The following CLIC5 variants were observed in gnomAD, a reference collection of about 807,000 sequenced individuals.
CLIC5 encodes the protein chloride intracellular channel protein 5.
CLIC5 carries 20 observed loss-of-function variants against 24.7 expected under a neutral mutation model. The observed-to-expected ratio is 0.81, with a 90% confidence interval of 0.57 to 1.18. The LOEUF (loss-of-function observed/expected upper bound fraction) is 1.18. CLIC5 is among the 50% of genes most tolerant of loss of function. CLIC5 has a pLI of 0.00. For synonymous variants in CLIC5, 159 were observed against 135.6 expected, an observed-to-expected ratio of 1.17 and a Z score of -1.20; for missense variants, 341 against 326.1, an observed-to-expected ratio of 1.05 and a Z score of -0.35.
At chr6:45,991,154 C>T (rs1428218155) in intron 1 of CLIC5, among the ~76,000 whole-genome samples, 19 of 152,134 alleles carry the variant, frequency 1.2e-4, no homozygotes, top group Admixed American at 1.2e-3. Flanking sequence ...GCTAACAGAA[C>T]ATAGTAAAGG....
At chr6:45,903,833 C>A (rs2127294793) in intron 5 of CLIC5, among the ~76,000 whole-genome samples, 1 of 152,132 alleles carries the variant, frequency 6.6e-6, no homozygotes, top group South Asian at 2.1e-4. Flanking sequence ...TTTTTCTTTT[C>A]TTCTTTCTCT....
At chr6:45,998,558 A>G (rs532375516) in intron 1 of CLIC5, among the ~76,000 whole-genome samples, 1 of 152,338 alleles carries the variant, frequency 6.6e-6, no homozygotes, top group African/African-American at 2.4e-5. Flanking sequence ...GCCCCTGTGA[A>G]TATTTCAACA....
In CLIC5 at chr6:45,901,113, G is replaced by A. The variant is rs1762500100; in HGVS notation, c.*1975C>T. On this transcript the variant is annotated 3_prime_UTR_variant, in exon 6 of 6. Transcript: ENST00000339561. ...AGCAGGATTTCACACTAATTAAAAGGCCTTCGGGATCATTTCAGCCCTCAT... is the reference window on the plus strand; with the variant it reads ...AGCAGGATTTCACACTAATTAAAAGACCTTCGGGATCATTTCAGCCCTCAT... 6.6e-6 allele frequency: 1 copy of A among 152,112 alleles called. No homozygotes were observed. The highest frequency in any genetic ancestry group is 1.5e-5 in the Non-Finnish European group (1 of 68,036). The allele number at this position is 152,112 out of a possible 1,614,324, so 9.4% of individuals were successfully genotyped here. A position where few individuals can be genotyped will look rare whatever the true frequency, so the allele number is the denominator to read the frequency against.
chr6:46,036,383 T>TCACTG (rs1767661133), intron 1 of CLIC5, among the ~76,000 whole-genome samples: 1 of 147,082 alleles, frequency 6.8e-6, no homozygotes, highest in African/African-American at 2.6e-5. Flanking sequence ...CGGTCTCGGT[T>TCACTG]CACTGCAAGC....
chr6:45,933,908 G>A (rs578129525), intron 4 of CLIC5, among the ~76,000 whole-genome samples: 2 of 152,312 alleles, frequency 1.3e-5, no homozygotes, highest in African/African-American at 4.8e-5. Flanking sequence ...GCTCACAGGT[G>A]GGGGAAGATG....
chr6:46,125,964 T>G, the CLIC5 span, among the ~76,000 whole-genome samples: 3 of 152,200 alleles, frequency 2.0e-5, no homozygotes, highest in Non-Finnish European at 4.4e-5. Context: ...ACTGAACTAA[T>G]TCATGTGGTT....
intron 1 of CLIC5, among the ~76,000 whole-genome samples, chr6:46,057,369 T>C (rs1003902962): frequency 6.6e-6 from 1 of 152,216 alleles, no homozygotes; most frequent in Non-Finnish European, 1.5e-5. Context: ...GCCACCGCCA[T>C]GTAAGAAGTG....
At chr6:46,107,787 G>A in the CLIC5 span, among the ~76,000 whole-genome samples, 1 of 152,170 alleles carries the variant, frequency 6.6e-6, no homozygotes, top group African/African-American at 2.4e-5. Flanking sequence ...TGTAATCCCA[G>A]CACTTTGGGA....
intron 2 of CLIC5, among the ~76,000 whole-genome samples, chr6:45,949,792 T>C (rs943477430): frequency 2.0e-5 from 3 of 152,222 alleles, no homozygotes; most frequent in African/African-American, 7.2e-5. Context: ...AATTAATGAA[T>C]TAGATCATAC....
At chr6:45,969,167 G>A (rs986620687) in intron 1 of CLIC5, among the ~76,000 whole-genome samples, 1 of 152,164 alleles carries the variant, frequency 6.6e-6, no homozygotes, top group African/African-American at 2.4e-5. Context: ...AGCACGGGCT[G>A]GATAAATGTT....
chr6:46,062,331 G>A (rs891216326), intron 1 of CLIC5, among the ~76,000 whole-genome samples: 6 of 152,318 alleles, frequency 3.9e-5, no homozygotes, highest in African/African-American at 1.4e-4. Context: ...AGGCATTCAT[G>A]CCAGGTATTT....
chr6:45,990,497 C>T (rs549033242), intron 1 of CLIC5, among the ~76,000 whole-genome samples: 2 of 152,312 alleles, frequency 1.3e-5, no homozygotes, highest in African/African-American at 4.8e-5. Context: ...CATCTCACTC[C>T]CATCAACCAT....
At chr6:45,968,263 T>C (rs1765082285) in intron 1 of CLIC5, among the ~76,000 whole-genome samples, 1 of 152,194 alleles carries the variant, frequency 6.6e-6, no homozygotes, top group Non-Finnish European at 1.5e-5. Context: ...ATGCCAACTC[T>C]GAAAGCATTC....
rs1277566676 is a variant in CLIC5, at chr6:46,000,666, G to GTAGAAT, written c.63+14813_63+14814insATTCTA. On this transcript the variant is annotated intron_variant, in intron 1 of 5. Coordinates refer to ENST00000339561, the MANE Select transcript of CLIC5 (RefSeq NM_016929.5). The stretch of plus-strand genomic sequence containing the variant: ...CATGGTAGAATGCACCTCTTCACAG[G>GTAGAAT]GCAGCAGGAGAGAGAATGACTGCCA... Among the ~76,000 whole-genome samples, 13 of 152,126 alleles carry GTAGAAT rather than the reference G, an allele frequency of 8.5e-5. 1 individual carries two copies. The highest frequency in any genetic ancestry group is 1.8e-4 in the Non-Finnish European group (12 of 68,034).
At chr6:46,068,455 C>T (rs1317593747) in intron 1 of CLIC5, among the ~76,000 whole-genome samples, 1 of 152,118 alleles carries the variant, frequency 6.6e-6, no homozygotes, top group Non-Finnish European at 1.5e-5. Flanking sequence ...ATTCAACCAT[C>T]ATTTTAAGTA....
chr6:46,123,658 T>C, the CLIC5 span, among the ~76,000 whole-genome samples: 2 of 152,184 alleles, frequency 1.3e-5, no homozygotes, highest in Non-Finnish European at 2.9e-5. Flanking sequence ...TGTTTGCAGA[T>C]GACATGATTG....
At chr6:46,069,647 AAAG>A (rs1762536808) in intron 1 of CLIC5, among the ~76,000 whole-genome samples, 3 of 152,178 alleles carry the variant, frequency 2.0e-5, no homozygotes, top group Admixed American at 1.3e-4. Flanking sequence ...CCAGATGTAC[AAAG>A]AAGAGCTGGT....
chr6:46,038,092 G>C (rs1182675418), intron 1 of CLIC5, among the ~76,000 whole-genome samples: 2 of 152,026 alleles, frequency 1.3e-5, no homozygotes, highest in African/African-American at 4.8e-5. Context: ...CAGTCCCTCT[G>C]GTAGCTATTC....
intron 6 of CLIC5, among the ~76,000 whole-genome samples, chr6:45,888,603 TAA>T (rs1762324629): frequency 1.3e-5 from 2 of 152,220 alleles, no homozygotes; most frequent in Admixed American, 6.5e-5. Flanking sequence ...TGAATTTATC[TAA>T]GTCTATCATA....
Sources: allele counts gnomAD v4.1 joint callset (sites outside exome capture counted in the v4.1 genomes callset), GRCh38; gene constraint gnomAD v4.1.1; transcripts MANE v1.5; gene names NCBI Gene and HGNC (gene_info 2026-07-23, HGNC 2026-07-21).